WIPF3: variants seen among roughly 807,000 people sequenced by gnomAD.
WIPF3 encodes the protein WAS/WASL interacting protein family member 3.
WIPF3 carries 33 observed loss-of-function variants against 38.9 expected under a neutral mutation model. That is an observed-to-expected ratio of 0.85 (90% CI 0.64 to 1.14). The LOEUF (loss-of-function observed/expected upper bound fraction) is 1.14, where lower values mean the gene tolerates loss of function less well. Among genes scored for constraint, WIPF3 ranks in the 50% most tolerant of loss-of-function variants. The pLI is 0.00. For synonymous variants in WIPF3, 324 were observed against 269.3 expected (o/e 1.20, Z -1.99); for missense variants, 711 against 652.5 (o/e 1.09, Z -0.98).
At chr7:29,871,615 A>G (rs1216333058) in intron 2 of WIPF3, among the ~76,000 whole-genome samples, 2 of 152,106 alleles carry the variant, frequency 1.3e-5, no homozygotes, top group Non-Finnish European at 2.9e-5. Context: ...ATAGCAGGAG[A>G]TGTGTATGTC....
At chr7:29,899,884 G>A (rs1409158951) in intron 7 of WIPF3, among the ~76,000 whole-genome samples, 1 of 151,862 alleles carries the variant, frequency 6.6e-6, no homozygotes, top group African/African-American at 2.4e-5. Context: ...AGAGAGAAGA[G>A]ACTAGAAATA....
intron 2 of WIPF3, among the ~76,000 whole-genome samples, chr7:29,841,036 C>T (rs1202777823): frequency 6.6e-6 from 1 of 152,102 alleles, no homozygotes; most frequent in Non-Finnish European, 1.5e-5. Flanking sequence ...CAAGGGAGTG[C>T]ACAGATGGGC....
At chr7:29,819,790 T>G (rs1784509457) in intron 1 of WIPF3, among the ~76,000 whole-genome samples, 1 of 152,066 alleles carries the variant, frequency 6.6e-6, no homozygotes, top group African/African-American at 2.4e-5. Context: ...AAATAAAGTT[T>G]AAAAGTTTCT....
In WIPF3 at chr7:29,823,157, C is replaced by G. The variant is rs958999532; in HGVS notation, c.-57-11511C>G. Among the ~76,000 whole-genome samples the G allele has an allele frequency of 6.6e-6, 1 of 152,182 alleles. No individual in the cohort carries two copies. Among genetic ancestry groups the G allele is most frequent in the Non-Finnish European group, 1.5e-5 (1 of 68,034 alleles). On this transcript the variant is annotated intron_variant, in intron 1 of 8. Coordinates refer to ENST00000242140, the MANE Select transcript of WIPF3 (RefSeq NM_001080529.3). This position sits in a 1 kb window ranked among gnomAD's most constrained non-coding sequence, Gnocchi z 4.0. ...AAATAGATGGGAATTACAGCCAGAA[C>G]TAGAAACCAGTTTTCCCAGCTATTA...
intron 2 of WIPF3, among the ~76,000 whole-genome samples, chr7:29,850,594 G>T (rs1366088802): frequency 1.3e-5 from 2 of 152,192 alleles, no homozygotes; most frequent in African/African-American, 4.8e-5. Flanking sequence ...TGGGTACCCG[G>T]GGACTTCTTT....
chr7:29,855,856 C>T (rs1785180463), intron 2 of WIPF3, among the ~76,000 whole-genome samples: 1 of 152,202 alleles, frequency 6.6e-6, no homozygotes, highest in South Asian at 2.1e-4. Context: ...AAGTACAGGA[C>T]ACCCTGTTAA....
intron 1 of WIPF3, among the ~76,000 whole-genome samples, chr7:29,811,555 A>T (rs1300413049): frequency 6.6e-6 from 1 of 152,180 alleles, no homozygotes; most frequent in Non-Finnish European, 1.5e-5. Flanking sequence ...ATAAATAGTT[A>T]CCTGATCCAC....
intron 1 of WIPF3, among the ~76,000 whole-genome samples, chr7:29,832,454 G>A (rs1290063186): frequency 6.6e-6 from 1 of 152,176 alleles, no homozygotes; most frequent in African/African-American, 2.4e-5. Context: ...GATGTTACCT[G>A]AAAGAAACAC....
chr7:29,888,087 A>G lies in WIPF3; in HGVS notation c.1119A>G (p.Leu373=). 1 of 1,613,946 alleles carries G rather than the reference A, an allele frequency of 6.2e-7. No individual in the cohort carries two copies. Among genetic ancestry groups the G allele is most frequent in the East Asian group, 2.2e-5 (1 of 44,880 alleles). ...HGRPGAGGGK[L]NPPPAPPARS... ...TGTAAGGGGCCGGTGGGGGAAAGCT[A>G]AATCCACCTCCAGCACCCCCTGCGA... is the stretch of plus-strand genomic sequence containing the variant. Residue 373 remains leucine, a synonymous_variant, in exon 6 of 9, where the codon CTA becomes CTG. Coordinates refer to ENST00000242140, the MANE Select transcript of WIPF3 (RefSeq NM_001080529.3).
rs185340503 is a variant in WIPF3 at position 29,905,742 on chromosome 7, C to G, written c.1428+1380C>G. 28 of 152,288 alleles carry G rather than the reference C, an allele frequency of 1.8e-4. No homozygotes were observed. In the East Asian group the frequency reaches 4.6e-3, roughly 25 times the overall value. The allele number at this position is 152,288 out of a possible 1,614,324, so 9.4% of individuals were successfully genotyped here. On this transcript the variant is annotated intron_variant, in intron 8 of 8. Transcript: ENST00000242140. ...ATGGGCAGCCATTGTTGCACCTCCT[C>G]TTATTGTTGTAAATCCCTTTCCCTC...
chr7:29,896,176 G>A (rs995272946), intron 7 of WIPF3, among the ~76,000 whole-genome samples: 5 of 152,196 alleles, frequency 3.3e-5, no homozygotes, highest in Non-Finnish European at 7.3e-5. Context: ...AGGCATGGTG[G>A]TGTGCTCCTA....
chr7:29,894,169 T>C (rs1786084286), intron 7 of WIPF3, among the ~76,000 whole-genome samples: 1 of 152,206 alleles, frequency 6.6e-6, no homozygotes, highest in African/African-American at 2.4e-5. Context: ...CTCAGTAATG[T>C]GCTGTGGGGT....
chr7:29,838,076 G>A (rs897519891), intron 2 of WIPF3, among the ~76,000 whole-genome samples: 5 of 152,232 alleles, frequency 3.3e-5, no homozygotes, highest in African/African-American at 4.8e-5. Flanking sequence ...CCGCCACCAC[G>A]CCCGGCTAAT....
At chr7:29,876,480 T>C (rs1785600394) in intron 3 of WIPF3, among the ~76,000 whole-genome samples, 1 of 152,226 alleles carries the variant, frequency 6.6e-6, no homozygotes, top group African/African-American at 2.4e-5. Context: ...AATCATGCAA[T>C]ATATGGCCTT....
intron 1 of WIPF3, among the ~76,000 whole-genome samples, chr7:29,827,813 G>T (rs1784647317): frequency 6.6e-6 from 1 of 152,096 alleles, no homozygotes. Flanking sequence ...TTATTGTTTT[G>T]AGGTGGTGTC....
intron 2 of WIPF3, among the ~76,000 whole-genome samples, chr7:29,862,623 G>T (rs749035678): frequency 5.9e-5 from 9 of 152,196 alleles, no homozygotes; most frequent in Non-Finnish European, 1.3e-4. Context: ...GTTTGTGTCC[G>T]TTAATGGGGC....
chr7:29,809,959 G>T (rs924318182), intron 1 of WIPF3, among the ~76,000 whole-genome samples: 1 of 152,156 alleles, frequency 6.6e-6, no homozygotes, highest in African/African-American at 2.4e-5. Flanking sequence ...CCTGCACATG[G>T]ACTGTGAGAG....
At chr7:29,870,680 A>G (rs997362604) in intron 2 of WIPF3, among the ~76,000 whole-genome samples, 3 of 152,230 alleles carry the variant, frequency 2.0e-5, no homozygotes, top group Non-Finnish European at 4.4e-5. Context: ...CCTCCAGGGA[A>G]GCAAAGGGGC....
At chr7:29,874,731 C>T (rs1302807635) in intron 2 of WIPF3, among the ~76,000 whole-genome samples, 1 of 152,166 alleles carries the variant, frequency 6.6e-6, no homozygotes, top group Non-Finnish European at 1.5e-5. Flanking sequence ...TTCTGGTGTT[C>T]CCTGGCTCTA....
Sources: allele counts gnomAD v4.1 joint callset (sites outside exome capture counted in the v4.1 genomes callset), GRCh38; gene constraint gnomAD v4.1.1; non-coding constraint Gnocchi (gnomAD v3.1); transcripts MANE v1.5; gene names NCBI Gene and HGNC (gene_info 2026-07-23, HGNC 2026-07-21).